Variants in PLD5 observed in about 807,000 individuals in gnomAD.
PLD5 encodes the protein phospholipase D family member 5.
In PLD5, 36 loss-of-function variants were observed where a neutral mutation model predicts 61.1. That is an observed-to-expected ratio of 0.59 (90% confidence interval 0.45 to 0.78). The LOEUF is 0.78. Among genes scored for constraint, PLD5 ranks in the 30% least tolerant of loss-of-function variants. PLD5 has a pLI of 0.00. For missense variants in PLD5, 515 were observed against 644.4 expected, an observed-to-expected ratio of 0.80 and a Z score of 2.17; for synonymous variants, 243 against 242.8, an observed-to-expected ratio of 1.00 and a Z score of -0.01.
intron 1 of PLD5, among the ~76,000 whole-genome samples, chr1:242,409,895 T>G (rs1457527943): frequency 6.6e-6 from 1 of 152,172 alleles, no homozygotes; most frequent in African/African-American, 2.4e-5. Context: ...CATGTTTGGG[T>G]GGACCCAGTT....
chr1:242,116,464 A>G (rs1661954682), intron 6 of PLD5, among the ~76,000 whole-genome samples: 1 of 152,142 alleles, frequency 6.6e-6, no homozygotes, highest in Non-Finnish European at 1.5e-5. Context: ...GGTTTGTTAC[A>G]TGGATATATA....
At chr1:242,230,809 T>G (rs1671250926) in intron 4 of PLD5, among the ~76,000 whole-genome samples, 1 of 152,248 alleles carries the variant, frequency 6.6e-6, no homozygotes, top group Non-Finnish European at 1.5e-5. Flanking sequence ...TCTCACAGGT[T>G]GCTTTGATGC....
At chr1:242,419,038 G>A (rs1179717476) in intron 1 of PLD5, among the ~76,000 whole-genome samples, 2 of 152,220 alleles carry the variant, frequency 1.3e-5, no homozygotes, top group Non-Finnish European at 2.9e-5. Flanking sequence ...ATTGGGTCAA[G>A]TAGCATGAAT....
At chr1:242,241,102 G>A (rs1671971486) in intron 4 of PLD5, among the ~76,000 whole-genome samples, 1 of 152,200 alleles carries the variant, frequency 6.6e-6, no homozygotes, top group South Asian at 2.1e-4. Context: ...CCAAGAATCA[G>A]AGAGGAGACT....
rs192886687 is a variant in PLD5, at chr1:242,263,646, G to A, written c.607+1691C>T. On this transcript the variant is annotated intron_variant, in intron 4 of 9. Transcript: ENST00000536534. ...TTACTCCTATGAAGGAAAATCATTT[G>A]TTTTCGTGTTTTGATAAGAAGTCTT... 2.1e-3 allele frequency among the ~76,000 whole-genome samples: 314 copies of A among 152,152 alleles called. 2 individuals carry two copies. Among genetic ancestry groups the A allele is most frequent in the African/African-American group, 7.2e-3 (299 of 41,510 alleles).
intron 1 of PLD5, among the ~76,000 whole-genome samples, chr1:242,430,540 T>A (rs1438833357): frequency 6.6e-6 from 1 of 152,154 alleles, no homozygotes; most frequent in Non-Finnish European, 1.5e-5. Flanking sequence ...ACACATTCCA[T>A]CCATAACACC....
chr1:242,513,802 T>C (rs1037370351), intron 1 of PLD5, among the ~76,000 whole-genome samples: 1 of 152,246 alleles, frequency 6.6e-6, no homozygotes, highest in Non-Finnish European at 1.5e-5. Context: ...CTTGTGTCCA[T>C]CATGCCAATC....
intron 4 of PLD5, 34 bp from the exon 5 acceptor site, chr1:242,220,149 C>A (rs746457397): frequency 1.2e-6 from 2 of 1,608,082 alleles, no homozygotes; most frequent in East Asian, 2.2e-5. Flanking sequence ...TCAGCCTCTG[C>A]GTCAAGGCCC....
At chr1:242,516,782 G>A (rs1669118601) in intron 1 of PLD5, among the ~76,000 whole-genome samples, 1 of 152,140 alleles carries the variant, frequency 6.6e-6, no homozygotes, top group African/African-American at 2.4e-5. Context: ...TTTAAAGATT[G>A]TCTTGGCTAT....
At chr1:242,321,295 TTCTCTC>T (rs891238501) in intron 2 of PLD5, among the ~76,000 whole-genome samples, 5 of 151,180 alleles carry the variant, frequency 3.3e-5, no homozygotes, top group Non-Finnish European at 5.9e-5. Context: ...CTTTCTTTCT[TTCTCTC>T]TCTCTCTCTT....
At chr1:242,481,982 A>G (rs1020565076) in intron 1 of PLD5, among the ~76,000 whole-genome samples, 1 of 152,182 alleles carries the variant, frequency 6.6e-6, no homozygotes, top group African/African-American at 2.4e-5. Flanking sequence ...ACACCAACTG[A>G]CTTGCAGCTG....
chr1:242,443,772 T>G (rs1349364436), intron 1 of PLD5, among the ~76,000 whole-genome samples: 1 of 152,218 alleles, frequency 6.6e-6, no homozygotes, highest in Admixed American at 6.5e-5. Context: ...ACACCACTTC[T>G]TTTGTAATCC....
intron 1 of PLD5, among the ~76,000 whole-genome samples, chr1:242,401,279 G>T (rs1471638449): frequency 6.6e-6 from 1 of 152,020 alleles, no homozygotes; most frequent in Non-Finnish European, 1.5e-5. Flanking sequence ...CCTTGCACTG[G>T]CAGGCTCAGC....
chr1:242,392,699 C>T (rs1358073704), intron 1 of PLD5, among the ~76,000 whole-genome samples: 1 of 152,120 alleles, frequency 6.6e-6, no homozygotes, highest in Non-Finnish European at 1.5e-5. Context: ...TCCTGACCTG[C>T]CCATCTCCTC....
At chr1:242,164,730 T>C (rs202083777) in intron 5 of PLD5, among the ~76,000 whole-genome samples, 3 of 38,680 alleles carry the variant, frequency 7.8e-5, no homozygotes, top group Non-Finnish European at 1.4e-4. Flanking sequence ...ACACTACTTT[T>C]GGGAAACACT....
chr1:242,529,799 C>A, the PLD5 span, among the ~76,000 whole-genome samples: 38 of 144,962 alleles, frequency 2.6e-4, no homozygotes, highest in Non-Finnish European at 5.4e-4. Flanking sequence ...TCCTTCCTTC[C>A]TTCCTTCCTT....
chr1:242,351,431 C>A (rs1660471546), intron 1 of PLD5, among the ~76,000 whole-genome samples: 2 of 152,160 alleles, frequency 1.3e-5, no homozygotes, highest in South Asian at 4.1e-4. Context: ...GTAATTGAAT[C>A]ATGGGGGTCG....
At chr1:242,392,381 C>T (rs143949352) in intron 1 of PLD5, among the ~76,000 whole-genome samples, 87 of 152,262 alleles carry the variant, frequency 5.7e-4, no homozygotes, top group African/African-American at 1.9e-3. Flanking sequence ...TGGTCACCAA[C>T]CTGCACATGT....
intron 7 of PLD5, among the ~76,000 whole-genome samples, chr1:242,108,706 G>A (rs1338729320): frequency 2.0e-5 from 3 of 152,096 alleles, no homozygotes; most frequent in Non-Finnish European, 4.4e-5. Context: ...TAGACCTTTT[G>A]TTTACTCATC....
Sources: allele counts gnomAD v4.1 joint callset (sites outside exome capture counted in the v4.1 genomes callset), GRCh38; gene constraint gnomAD v4.1.1; transcripts MANE v1.5; gene names NCBI Gene and HGNC (gene_info 2026-07-23, HGNC 2026-07-21).